Variants in PRUNE2 observed in about 807,000 individuals in gnomAD.
PRUNE2 encodes prune homolog 2 with BCH domain.
A neutral mutation model predicts 252.0 loss-of-function variants in PRUNE2; 164 were observed. That is an observed-to-expected ratio of 0.65 (90% CI 0.57 to 0.74). The LOEUF is 0.74. Ranked by LOEUF, PRUNE2 falls within the 30% of genes least tolerant of loss-of-function variation. The probability of loss-of-function intolerance (pLI) is 0.00; values close to 1 mark genes in which losing one functional copy is unlikely to be tolerated. For missense variants in PRUNE2, 3,495 were observed against 3,711.0 expected, an observed-to-expected ratio of 0.94 and a Z score of 1.51; for synonymous variants, 1,292 against 1,350.2, an observed-to-expected ratio of 0.96 and a Z score of 0.94.
intron 11 of PRUNE2, among the ~76,000 whole-genome samples, chr9:76,646,848 GGTT>G (rs1308597151): frequency 1.5e-4 from 23 of 151,936 alleles, no homozygotes; most frequent in African/African-American, 4.4e-4. Context: ...GTGAACGTAG[GGTT>G]GTTTTGTTTT....
At position 76,788,362 on chromosome 9, in the gene PRUNE2, T is replaced by C. The variant is rs775763685; in HGVS notation, c.756+35270A>G. 1.5e-5 allele frequency: 11 copies of C among 732,004 alleles called. No individual in the cohort carries two copies. The African/African-American group carries it at 1.6e-4, about 10-fold the overall frequency. The allele number at this position is 732,004 out of a possible 1,614,324, so 45.3% of individuals were successfully genotyped here. A position where few individuals can be genotyped will look rare whatever the true frequency, so the allele number is the denominator to read the frequency against. On this transcript the variant is annotated intron_variant, in intron 6 of 18. Transcript: ENST00000376718. ...TGATTGTGAATTCAGTTGATAGTTA[T>C]TATATATACTGGACATTAAACTCAC...
chr9:76,655,920 G>T (rs1849033624), intron 9 of PRUNE2, among the ~76,000 whole-genome samples: 1 of 152,148 alleles, frequency 6.6e-6, no homozygotes, highest in Non-Finnish European at 1.5e-5. Context: ...CAGAGGGAGA[G>T]CATATTCTGT....
At chr9:76,776,284 C>T (rs568641169) in intron 6 of PRUNE2, among the ~76,000 whole-genome samples, 2 of 152,066 alleles carry the variant, frequency 1.3e-5, no homozygotes, top group Admixed American at 6.6e-5. Flanking sequence ...TCCTTACCAC[C>T]CTCCCGCCTT....
At chr9:76,718,379 G>A (rs974260386) in intron 6 of PRUNE2, among the ~76,000 whole-genome samples, 30 of 152,256 alleles carry the variant, frequency 2.0e-4, no homozygotes, top group Admixed American at 1.8e-3. Flanking sequence ...AGTCCCCCTG[G>A]TGGGGGATCT....
intron 6 of PRUNE2, among the ~76,000 whole-genome samples, chr9:76,807,334 A>G (rs2057038318): frequency 6.6e-6 from 1 of 151,910 alleles, no homozygotes; most frequent in South Asian, 2.1e-4. Context: ...CGGACTCCCA[A>G]AGTTCTGGGA....
chr9:76,712,100 A>C (rs11145020), intron 7 of PRUNE2, among the ~76,000 whole-genome samples: 7,153 of 152,152 alleles, frequency 0.047, 550 homozygotes, highest in African/African-American at 0.16. Context: ...TAATAATAAC[A>C]ACCACCACTA....
intron 12 of PRUNE2, chr9:76,641,906 A>C: frequency 6.6e-7 from 1 of 1,508,072 alleles, no homozygotes; most frequent in South Asian, 1.3e-5. Context: ...CACACACACC[A>C]GCCAGCAACT....
chr9:76,640,552 TAG>T (rs1842137832), intron 12 of PRUNE2, among the ~76,000 whole-genome samples: 1 of 136,722 alleles, frequency 7.3e-6, no homozygotes, highest in African/African-American at 2.5e-5. Flanking sequence ...AGCAACGTAG[TAG>T]CTTCTCTGGA....
At chr9:76,692,067 C>A (rs1444890414) in intron 9 of PRUNE2, 17 of 717,360 alleles carry the variant, frequency 2.4e-5, no homozygotes, top group Non-Finnish European at 3.9e-5. Context: ...CACCAGGACC[C>A]ACCTACCTTC....
At chr9:76,836,381 G>T (rs912243171) in intron 4 of PRUNE2, among the ~76,000 whole-genome samples, 2 of 106,630 alleles carry the variant, frequency 1.9e-5, no homozygotes, top group African/African-American at 3.8e-5. Context: ...AATCAGATAG[G>T]GGGAGGGAGA....
chr9:76,826,664 A>G lies in PRUNE2; in HGVS notation c.577T>C (p.Ser193Pro). The part of the protein sequence containing the change: ...KISEKQEEIL[S>P]ILEEKFPNLP... The stretch of plus-strand genomic sequence containing the variant: ...TTAGGAAATTTTTCTTCCAGGATAG[A>G]AAGAATTTCCTCCTGCTTCTCTGAG... The change falls in exon 5 of 19, where the codon TCT becomes CCT. Residue 193 changes from serine (S) to proline (P), a missense_variant. Coordinates refer to ENST00000376718, the MANE Select transcript of PRUNE2 (RefSeq NM_015225.3). 1 of 1,612,510 alleles carries G rather than the reference A, an allele frequency of 6.2e-7. No individual in the cohort carries two copies. Among genetic ancestry groups the G allele is most frequent in the Non-Finnish European group, 8.5e-7 (1 of 1,179,024 alleles).
intron 1 of PRUNE2, among the ~76,000 whole-genome samples, chr9:76,882,887 T>A (rs2061872118): frequency 1.3e-5 from 2 of 151,914 alleles, no homozygotes; most frequent in African/African-American, 2.4e-5. Context: ...AAATGAGTAG[T>A]TTGGTACAGT....
At chr9:76,694,714 G>T (rs1270114856) in intron 9 of PRUNE2, among the ~76,000 whole-genome samples, 1 of 152,042 alleles carries the variant, frequency 6.6e-6, no homozygotes, top group Admixed American at 6.6e-5. Context: ...AGTATGCTGG[G>T]CATTTGAGGA....
chr9:76,749,056 G>A (rs1360213808), intron 6 of PRUNE2, among the ~76,000 whole-genome samples: 9 of 152,192 alleles, frequency 5.9e-5, no homozygotes, highest in Non-Finnish European at 1.3e-4. Context: ...AGAAGAAAAT[G>A]AGCAACCTAA....
At chr9:76,842,964 TC>T (rs1383479209) in intron 4 of PRUNE2, among the ~76,000 whole-genome samples, 1 of 152,148 alleles carries the variant, frequency 6.6e-6, no homozygotes, top group African/African-American at 2.4e-5. Context: ...GATCCAGCAA[TC>T]CCATTACTGG....
intron 6 of PRUNE2, among the ~76,000 whole-genome samples, chr9:76,818,757 G>A (rs959177342): frequency 6.6e-6 from 1 of 152,154 alleles, no homozygotes; most frequent in Admixed American, 6.5e-5. Flanking sequence ...GATGAAATAT[G>A]CTTACCAGGC....
At chr9:76,754,329 C>G (rs1210529285) in intron 6 of PRUNE2, among the ~76,000 whole-genome samples, 2 of 152,124 alleles carry the variant, frequency 1.3e-5, no homozygotes, top group Non-Finnish European at 2.9e-5. Context: ...ACTTCCCCTC[C>G]TTGATTTTGC....
intron 6 of PRUNE2, among the ~76,000 whole-genome samples, chr9:76,790,008 T>C (rs2055402630): frequency 6.6e-6 from 1 of 152,098 alleles, no homozygotes; most frequent in South Asian, 2.1e-4. Flanking sequence ...TGGGGCCACT[T>C]CTAAGTTAAT....
intron 9 of PRUNE2, among the ~76,000 whole-genome samples, chr9:76,678,276 C>T (rs938826078): frequency 7.0e-6 from 1 of 143,350 alleles, no homozygotes; most frequent in Non-Finnish European, 1.5e-5. Context: ...CGCCTGAACC[C>T]GGGAGTGGAG....
Sources: allele counts gnomAD v4.1 joint callset (sites outside exome capture counted in the v4.1 genomes callset), GRCh38; gene constraint gnomAD v4.1.1; transcripts MANE v1.5; gene names NCBI Gene and HGNC (gene_info 2026-07-23, HGNC 2026-07-21).